The following DPH6 variants were observed in gnomAD, a reference collection of about 807,000 sequenced individuals.
DPH6 encodes the protein diphthamine biosynthesis 6.
In DPH6, 33 loss-of-function variants were observed where a neutral mutation model predicts 38.2. The ratio of observed to expected loss-of-function variants is 0.86; its 90% CI spans 0.65 to 1.15. The LOEUF is 1.15. DPH6 is among the 50% of genes most tolerant of loss of function. The pLI, the probability that DPH6 is intolerant of heterozygous loss-of-function variation, is 0.00. For synonymous variants in DPH6, 108 were observed against 103.0 expected (o/e 1.05, Z -0.30); for missense variants, 325 against 320.0 (o/e 1.02, Z -0.12).
intron 7 of DPH6, among the ~76,000 whole-genome samples, chr15:35,380,615 C>G (rs2052852020): frequency 6.6e-6 from 1 of 152,030 alleles, no homozygotes; most frequent in African/African-American, 2.4e-5. Context: ...ACTATAATTT[C>G]ACACTAGCTT....
At chr15:35,417,275 C>T (rs1003401531) in intron 5 of DPH6, among the ~76,000 whole-genome samples, 22 of 151,798 alleles carry the variant, frequency 1.4e-4, no homozygotes, top group African/African-American at 5.3e-4. Context: ...TCTGAAAAAA[C>T]AGATCTTTTT....
intron 5 of DPH6, among the ~76,000 whole-genome samples, chr15:35,416,038 T>C (rs2053431539): frequency 6.6e-6 from 1 of 152,026 alleles, no homozygotes; most frequent in Non-Finnish European, 1.5e-5. Flanking sequence ...CCTGATGTTT[T>C]AGACCATGGG....
intron 3 of DPH6, among the ~76,000 whole-genome samples, chr15:35,280,976 T>C (rs942836745): frequency 2.0e-5 from 3 of 152,216 alleles, no homozygotes; most frequent in African/African-American, 4.8e-5. Flanking sequence ...TATTATACTT[T>C]AAGTTTTAGG....
At chr15:35,531,424 T>A (rs1404839165) in intron 3 of DPH6, among the ~76,000 whole-genome samples, 2 of 152,208 alleles carry the variant, frequency 1.3e-5, no homozygotes, top group Non-Finnish European at 2.9e-5. Flanking sequence ...GCCAATGGTT[T>A]TATATCACAT....
At chr15:35,531,006 T>C (rs1661352224) in intron 3 of DPH6, among the ~76,000 whole-genome samples, 1 of 152,194 alleles carries the variant, frequency 6.6e-6, no homozygotes, top group Admixed American at 6.5e-5. Context: ...AGCTGTGCAG[T>C]TCTGAGGAGC....
intron 3 of DPH6, among the ~76,000 whole-genome samples, chr15:35,239,767 C>T (rs1420617457): frequency 7.0e-6 from 1 of 141,910 alleles, no homozygotes. Flanking sequence ...TCACCCTTAG[C>T]AGCAAGTCCC....
At chr15:35,237,507 C>A (rs921828621) in intron 3 of DPH6, 4 of 1,559,678 alleles carry the variant, frequency 2.6e-6, no homozygotes, top group African/African-American at 2.7e-5. Flanking sequence ...GCAAACTTAC[C>A]GAAGTTAAAC....
intron 5 of DPH6, among the ~76,000 whole-genome samples, chr15:35,431,136 C>T (rs954913661): frequency 6.6e-6 from 1 of 152,050 alleles, no homozygotes; most frequent in South Asian, 2.1e-4. Flanking sequence ...ACCCAAGATT[C>T]TTCTTTGTCA....
the DPH6 span, among the ~76,000 whole-genome samples, chr15:35,178,301 T>A: frequency 2.0e-5 from 3 of 151,838 alleles, no homozygotes; most frequent in Non-Finnish European, 4.4e-5. Context: ...AGGAAAGAGG[T>A]TTAATTGACT....
chr15:35,470,821 A>G (rs570585778), intron 3 of DPH6, among the ~76,000 whole-genome samples: 1 of 152,346 alleles, frequency 6.6e-6, no homozygotes, highest in Non-Finnish European at 1.5e-5. Flanking sequence ...CTTTAATTAT[A>G]CATACTAACT....
intron 3 of DPH6, among the ~76,000 whole-genome samples, chr15:35,221,768 T>G (rs1043523685): frequency 6.6e-6 from 1 of 152,242 alleles, no homozygotes; most frequent in Non-Finnish European, 1.5e-5. Flanking sequence ...ATTCTTTATA[T>G]GGCCAGGTGT....
chr15:35,494,210 A>G (rs898653706), intron 3 of DPH6, among the ~76,000 whole-genome samples: 1 of 152,164 alleles, frequency 6.6e-6, no homozygotes, highest in East Asian at 1.9e-4. Context: ...TATTATTACT[A>G]TTTAATATTA....
the DPH6 span, among the ~76,000 whole-genome samples, chr15:35,189,856 G>C: frequency 3.3e-5 from 5 of 152,222 alleles, no homozygotes; most frequent in Non-Finnish European, 5.9e-5. Flanking sequence ...AGTAGGAGTA[G>C]TAAATGATTT....
chr15:35,524,756 A>G (rs1485103275), intron 3 of DPH6, among the ~76,000 whole-genome samples: 4 of 152,314 alleles, frequency 2.6e-5, no homozygotes, highest in Non-Finnish European at 4.4e-5. Flanking sequence ...TATAATTACA[A>G]TAAGTCACAG....
chr15:35,313,192 CA>C (rs1365094439), intron 3 of DPH6, among the ~76,000 whole-genome samples: 1 of 151,926 alleles, frequency 6.6e-6, no homozygotes, highest in African/African-American at 2.4e-5. Context: ...GAGATCACAC[CA>C]CTACACTCCA....
At chr15:35,384,365 T>C (rs1269582872) in intron 6 of DPH6, among the ~76,000 whole-genome samples, 2 of 152,240 alleles carry the variant, frequency 1.3e-5, no homozygotes, top group Non-Finnish European at 2.9e-5. Context: ...CCATCTATTC[T>C]TTCACTAAGT....
chr15:35,487,849 T>C (rs563898744), intron 3 of DPH6, among the ~76,000 whole-genome samples: 7 of 152,330 alleles, frequency 4.6e-5, no homozygotes, highest in Admixed American at 3.3e-4. Context: ...GCTTCCCTTT[T>C]AAACATAAGT....
the DPH6 span, among the ~76,000 whole-genome samples, chr15:35,178,227 T>C: frequency 1.3e-5 from 2 of 152,232 alleles, no homozygotes; most frequent in African/African-American, 2.4e-5. Flanking sequence ...TTGGGTTTCA[T>C]ATACTGTATT....
In DPH6 at chr15:35,371,935, G is replaced by A. The variant is rs1328935266; in HGVS notation, c.*215C>T. 5 of 1,250,498 alleles carry A rather than the reference G, an allele frequency of 4.0e-6. No homozygotes were observed. The highest frequency in any genetic ancestry group is 1.6e-5 in the African/African-American group (1 of 63,250). 77.5% of individuals were successfully genotyped at this position (1,250,498 alleles called of 1,614,324 possible). ...AAGATGTGTTAACGAAAGAGAAAGA[G>A]TGAATTCCAAGAAAGTTGGCACTAT... On this transcript the variant is annotated 3_prime_UTR_variant, in exon 9 of 9. Coordinates refer to ENST00000256538, the MANE Select transcript of DPH6 (RefSeq NM_080650.4).
Sources: gnomAD v4.1 joint callset for allele counts (sites outside exome capture counted in the v4.1 genomes callset) on GRCh38, gnomAD v4.1.1 for gene constraint, MANE v1.5 for transcripts, NCBI Gene and HGNC (gene_info 2026-07-23, HGNC 2026-07-21) for gene names.